Variants in MTIF2 observed in about 807,000 individuals in gnomAD.
MTIF2 encodes mitochondrial translational initiation factor 2, also known as translation initiation factor IF-2, mitochondrial.
In MTIF2, 71 loss-of-function variants were observed where a neutral mutation model predicts 83.5. The observed-to-expected ratio is 0.85, with a 90% CI of 0.70 to 1.04. The LOEUF (loss-of-function observed/expected upper bound fraction) is 1.04. MTIF2 is among the 50% of genes least tolerant of loss of function. MTIF2 has a pLI of 0.00. For synonymous variants in MTIF2, 319 were observed against 287.1 expected (o/e 1.11, Z -1.12); for missense variants, 957 against 846.5 (o/e 1.13, Z -1.62).
rs1675916114 is a variant in MTIF2 at position 55,237,321 on chromosome 2, TA to T, written c.1977del (p.Phe659LeufsTer3). On this transcript the variant is annotated frameshift_variant, in exon 15 of 16. Transcript: ENST00000263629. LOFTEE classifies it high-confidence loss of function. ...ATTACATGTCCATTACGGGTTAGTTTAAATTTTTTTTGTTTTTCTAACTGTC... is the reference window on the plus strand; with the variant it reads ...ATTACATGTCCATTACGGGTTAGTTTAATTTTTTTTGTTTTTCTAACTGTC... ...QKGQLEKQKKFKLTRNGHVIW... is the reference protein window; with the variant it reads ...QKGQLEKQKKXKLTRNGHVIW... 2 of 1,612,802 alleles carry T rather than the reference TA, an allele frequency of 1.2e-6. No homozygotes were observed. Among genetic ancestry groups the T allele is most frequent in the Non-Finnish European group, 1.7e-6 (2 of 1,179,894 alleles).
chr2:55,258,300 C>T (rs1052558881), intron 5 of MTIF2, among the ~76,000 whole-genome samples: 3 of 152,204 alleles, frequency 2.0e-5, no homozygotes, highest in Admixed American at 6.6e-5. Flanking sequence ...CAAGGAAACA[C>T]ATTTTAAGAA....
At chr2:55,263,182 G>A (rs916755876) in intron 4 of MTIF2, among the ~76,000 whole-genome samples, 1 of 152,102 alleles carries the variant, frequency 6.6e-6, no homozygotes, top group Admixed American at 6.5e-5. Flanking sequence ...TTCTACCAAC[G>A]AACACTCCCA....
At chr2:55,243,997 T>C in intron 11 of MTIF2, 32 bp downstream of exon 11, 1 of 1,456,658 alleles carries the variant, frequency 6.9e-7, no homozygotes, top group Non-Finnish European at 9.4e-7. Context: ...CATTATATTA[T>C]ATCTAATATA....
intron 13 of MTIF2, among the ~76,000 whole-genome samples, chr2:55,242,229 C>G (rs1359997620): frequency 3.3e-5 from 5 of 152,034 alleles, no homozygotes; most frequent in African/African-American, 1.2e-4. Context: ...CCAGTCAGTG[C>G]CTACCAAATA....
Position 55,243,046 on chromosome 2 carries a change from G to A in MTIF2, c.1599C>T (p.Asn533=). 1 of 1,610,774 alleles carries A rather than the reference G, an allele frequency of 6.2e-7. No individual in the cohort carries two copies. The highest frequency in any genetic ancestry group is 8.5e-7 in the Non-Finnish European group (1 of 1,179,120). Residue 533 remains asparagine, a synonymous_variant, in exon 13 of 16, where the codon AAC becomes AAT. Transcript: ENST00000263629. ...GTGAAGCATCATAGGTATCTATAAT[G>A]TTCAAAATGGCCTCAACAGAACCAT... ...DVDGSVEAIL[N]IIDTYDASHE...
chr2:55,249,996 G>A (rs1676980007), intron 8 of MTIF2, among the ~76,000 whole-genome samples: 2 of 152,110 alleles, frequency 1.3e-5, no homozygotes, highest in African/African-American at 4.8e-5. Flanking sequence ...GGGAGCCTGA[G>A]GCAGGAGAAT....
At position 55,265,774 on chromosome 2, in the gene MTIF2, T is replaced by C. The variant is rs191999278; in HGVS notation, c.-8+1795A>G. On this transcript the variant is annotated intron_variant, in intron 3 of 15. Coordinates refer to ENST00000263629, the MANE Select transcript of MTIF2 (RefSeq NM_002453.3). ...ACATTGTGAATATTATTTTATATCA[T>C]TAAACATTACTAATCAGCCCTTTGT... Among the ~76,000 whole-genome samples the C allele has an allele frequency of 6.3e-4, 96 of 152,356 alleles. 2 individuals are homozygous for C. The highest frequency in any genetic ancestry group is 1.3e-3 in the East Asian group (7 of 5,188).
intron 14 of MTIF2, among the ~76,000 whole-genome samples, chr2:55,237,754 G>A (rs748491616): frequency 6.9e-6 from 1 of 145,620 alleles, no homozygotes; most frequent in South Asian, 2.2e-4. Flanking sequence ...GGGTTTAAGC[G>A]ATTCTCATGC....
intron 9 of MTIF2, among the ~76,000 whole-genome samples, chr2:55,246,997 C>T (rs1676748040): frequency 6.6e-6 from 1 of 152,150 alleles, no homozygotes; most frequent in Non-Finnish European, 1.5e-5. Flanking sequence ...GATCTAGGCT[C>T]TAAGCTGTGC....
At chr2:55,238,945 C>G (rs1491003641) in intron 14 of MTIF2, among the ~76,000 whole-genome samples, 10 of 152,114 alleles carry the variant, frequency 6.6e-5, no homozygotes, top group African/African-American at 2.2e-4. Flanking sequence ...GTTATGTAGA[C>G]CAAAAATGCA....
rs1326083591 is a variant in MTIF2 at position 55,252,593 on chromosome 2, G to T, written c.725C>A (p.Ser242Ter). The T allele has an allele frequency of 1.9e-6, 3 of 1,614,050 alleles. No homozygotes were observed. Among genetic ancestry groups the T allele is most frequent in the Non-Finnish European group, 2.5e-6 (3 of 1,180,010 alleles). ...FLDTPGHAAF[S>*]AMRARGAQVT... ...CTGAGCACCTCTGGCTCTCATTGCT[G>T]AGAAAGCAGCATGTCCTGGAGTATC... Residue 242 changes from serine to a stop codon, truncating the protein, a stop_gained, in exon 8 of 16, where the codon TCA (serine) becomes TAA (stop). Coordinates refer to ENST00000263629, the MANE Select transcript of MTIF2 (RefSeq NM_002453.3). LOFTEE classifies it high-confidence loss of function.
chr2:55,244,201 G>T lies in MTIF2; in HGVS notation c.1139C>A (p.Thr380Asn). ...AACCAGAACAGAGCCTTTTCTTAAA[G>T]TTCCTCTTTGAATTATAGCTGTAGT... is the stretch of plus-strand genomic sequence containing the variant. ...LVTTAIIQRGTLRKGSVLVAG... is the reference protein window; with the variant it reads ...LVTTAIIQRGNLRKGSVLVAG... The change falls in exon 11 of 16, where the codon ACT becomes AAT. Residue 380 changes from threonine (T) to asparagine (N), a missense_variant. By Grantham distance (65) the Thr-to-Asn change is moderately conservative (BLOSUM62 0). Transcript: ENST00000263629. 6.2e-7 allele frequency: 1 copy of T among 1,613,898 alleles called. No homozygotes were observed. The highest frequency in any genetic ancestry group is 8.5e-7 in the Non-Finnish European group (1 of 1,179,874).
Position 55,246,321 on chromosome 2 carries a change from A to G in MTIF2, c.1106+16T>C. The G allele has an allele frequency of 6.3e-7, 1 of 1,588,752 alleles. No homozygotes were observed. The highest frequency in any genetic ancestry group is 8.6e-7 in the Non-Finnish European group (1 of 1,166,786). On this transcript the variant is annotated intron_variant, in intron 10 of 15. Coordinates refer to ENST00000263629, the MANE Select transcript of MTIF2 (RefSeq NM_002453.3). ...CACAGAACAAATTAAAAAGGCAAGC[A>G]TTTTAAGAGTCCTACCCTCTTCCTT...
Position 55,243,669 on chromosome 2 carries a change from CT to C in MTIF2, c.1312-2del, listed in dbSNP as rs1183428085. 2 of 1,610,894 alleles carry C rather than the reference CT, an allele frequency of 1.2e-6. No individual in the cohort carries two copies. Among genetic ancestry groups the C allele is most frequent in the Non-Finnish European group, 1.7e-6 (2 of 1,179,126 alleles). On this transcript the variant is annotated splice_acceptor_variant, in intron 11 of 15. Transcript: ENST00000263629. LOFTEE classifies it high-confidence loss of function. ...AGTCAACAACTTCACGTGCCCTTGG[CT>C]TTATAGGGGAAAAACGTATTATTTA...
intron 3 of MTIF2, chr2:55,266,470 G>T (rs1295753805): frequency 2.0e-5 from 3 of 149,928 alleles, no homozygotes; most frequent in African/African-American, 7.4e-5. Context: ...AGGTTGCAGT[G>T]AGCCAAGATC....
At chr2:55,246,884 T>G (rs1676739064) in intron 9 of MTIF2, among the ~76,000 whole-genome samples, 1 of 152,214 alleles carries the variant, frequency 6.6e-6, no homozygotes, top group Non-Finnish European at 1.5e-5. Flanking sequence ...CTGAACGAGA[T>G]TTCACATCTA....
intron 6 of MTIF2, 83 bp downstream of exon 6, chr2:55,254,571 A>T: frequency 8.2e-7 from 1 of 1,221,244 alleles, no homozygotes; most frequent in Non-Finnish European, 1.1e-6. Context: ...AAGAAATTTT[A>T]AAGCAAATCT....
chr2:55,254,289 T>C, intron 6 of MTIF2, 88 bp from the exon 7 acceptor site: 6 of 1,401,694 alleles, frequency 4.3e-6, no homozygotes, highest in Non-Finnish European at 5.8e-6. Context: ...CCCTGTGAAC[T>C]ACCATTAACA....
chr2:55,252,226 G>GA (rs372091922), intron 8 of MTIF2, among the ~76,000 whole-genome samples: 2 of 149,666 alleles, frequency 1.3e-5, no homozygotes, highest in Non-Finnish European at 3.0e-5. Flanking sequence ...ATAAAAAGTT[G>GA]AAAAAAAAAG....
Sources: gnomAD v4.1 joint callset for allele counts (sites outside exome capture counted in the v4.1 genomes callset) on GRCh38, gnomAD v4.1.1 for gene constraint, MANE v1.5 for transcripts, NCBI Gene and HGNC (gene_info 2026-07-23, HGNC 2026-07-21) for gene names.